The following NEDD9 variants were observed in gnomAD, a reference collection of about 807,000 sequenced individuals.
NEDD9 encodes the protein enhancer of filamentation 1.
Under a neutral mutation model 76.6 loss-of-function variants are expected in NEDD9, and 26 were observed. The ratio of observed to expected loss-of-function variants is 0.34; its 90% confidence interval spans 0.25 to 0.47. The LOEUF is 0.47. Ranked by LOEUF, NEDD9 falls within the 20% of genes least tolerant of loss-of-function variation. The pLI is 1.00. For missense variants in NEDD9, 937 were observed against 1,058.5 expected (o/e 0.89, Z 1.59); for synonymous variants, 392 against 414.2 (o/e 0.95, Z 0.65).
chr6:11,336,774 C>G (rs1762168922), intron 1 of NEDD9, among the ~76,000 whole-genome samples: 1 of 152,212 alleles, frequency 6.6e-6, no homozygotes, highest in African/African-American at 2.4e-5. Context: ...AACTTCTTTA[C>G]TCTTTTGTAA....
intron 3 of NEDD9, among the ~76,000 whole-genome samples, chr6:11,263,955 T>C (rs1661312256): frequency 6.6e-6 from 1 of 152,210 alleles, no homozygotes; most frequent in African/African-American, 2.4e-5. Flanking sequence ...AGTCTAGACT[T>C]GAGCTTATTA....
intron 2 of NEDD9, among the ~76,000 whole-genome samples, chr6:11,332,932 T>C (rs1050186631): frequency 1.3e-5 from 2 of 152,108 alleles, no homozygotes; most frequent in Non-Finnish European, 2.9e-5. Context: ...GTCCCCCTTA[T>C]GTCAGCTCAG....
At chr6:11,292,744 T>A (rs536942344) in intron 3 of NEDD9, among the ~76,000 whole-genome samples, 3 of 152,260 alleles carry the variant, frequency 2.0e-5, no homozygotes, top group East Asian at 3.9e-4. Context: ...TGGAGAGAGG[T>A]CTCTGTGATG....
chr6:11,186,023 C>G (rs1757973201), intron 6 of NEDD9, among the ~76,000 whole-genome samples: 1 of 151,970 alleles, frequency 6.6e-6, no homozygotes, highest in Non-Finnish European at 1.5e-5. Flanking sequence ...GTAGTAGGCT[C>G]TATGTAAATG....
intron 3 of NEDD9, among the ~76,000 whole-genome samples, chr6:11,294,191 C>T (rs1490695781): frequency 6.6e-6 from 1 of 151,944 alleles, no homozygotes; most frequent in Non-Finnish European, 1.5e-5. Flanking sequence ...GGATATATAC[C>T]CAGAAGTGGA....
intron 1 of NEDD9, among the ~76,000 whole-genome samples, chr6:11,374,402 G>A (rs1387302946): frequency 6.6e-6 from 1 of 152,218 alleles, no homozygotes; most frequent in African/African-American, 2.4e-5. Flanking sequence ...TGTCCTGATA[G>A]TGTGACAGAA....
At chr6:11,332,282 T>C (rs968286613) in intron 2 of NEDD9, among the ~76,000 whole-genome samples, 3 of 152,220 alleles carry the variant, frequency 2.0e-5, no homozygotes, top group Non-Finnish European at 4.4e-5. Context: ...CTTTCAACTG[T>C]CAGCTTAATA....
chr6:11,307,966 C>T (rs1366612254), intron 2 of NEDD9, among the ~76,000 whole-genome samples: 2 of 152,140 alleles, frequency 1.3e-5, no homozygotes, highest in African/African-American at 2.4e-5. Context: ...AGACCATGCC[C>T]ACCCGAGATC....
chr6:11,361,520 C>G (rs1340140063), intron 1 of NEDD9, among the ~76,000 whole-genome samples: 1 of 152,098 alleles, frequency 6.6e-6, no homozygotes, highest in Non-Finnish European at 1.5e-5. Flanking sequence ...CAAGACCTCA[C>G]TATCACAAAT....
chr6:11,292,740 G>A (rs905123530), intron 3 of NEDD9, among the ~76,000 whole-genome samples: 1 of 152,230 alleles, frequency 6.6e-6, no homozygotes, highest in African/African-American at 2.4e-5. Context: ...GCAATGGAGA[G>A]AGGTCTCTGT....
At chr6:11,281,418 TAGAAAG>T (rs1292069350) in intron 3 of NEDD9, among the ~76,000 whole-genome samples, 1 of 152,230 alleles carries the variant, frequency 6.6e-6, no homozygotes, top group African/African-American at 2.4e-5. Context: ...TCTTCACTCT[TAGAAAG>T]AGACACAATG....
At chr6:11,237,236 C>T (rs921698892), upstream of NEDD9, among the ~76,000 whole-genome samples, 2 of 152,170 alleles carry the variant, frequency 1.3e-5, no homozygotes, top group Non-Finnish European at 2.9e-5. This position sits in a 1 kb window ranked among gnomAD's most constrained non-coding sequence, Gnocchi z 4.9. Flanking sequence ...TCTGTTTCCC[C>T]AGCTCCGATG....
At position 11,241,756 on chromosome 6, in the gene NEDD9, C is replaced by T. The variant is rs1759711298; in HGVS notation, c.13-28029G>A. Among the ~76,000 whole-genome samples, 1 of 152,208 alleles carries T rather than the reference C, an allele frequency of 6.6e-6. No individual in the cohort carries two copies. The highest frequency in any genetic ancestry group is 1.5e-5 in the Non-Finnish European group (1 of 68,038). On this transcript the variant is annotated intron_variant, in intron 3 of 3. Transcript: ENST00000397378. This position sits in a 1 kb window ranked among gnomAD's most constrained non-coding sequence, Gnocchi z 4.0. ...TTAAAAGAGCCCAGCTGACCCAGCC[C>T]TCCAAGAAGGCCTCCCTCCCGTGCC...
intron 1 of NEDD9, among the ~76,000 whole-genome samples, chr6:11,337,737 T>C (rs1267595606): frequency 6.6e-6 from 1 of 152,226 alleles, no homozygotes; most frequent in Non-Finnish European, 1.5e-5. Context: ...TGTGTGCACA[T>C]GCCTTTAGCT....
chr6:11,223,412 C>T (rs1210771396), intron 1 of NEDD9, among the ~76,000 whole-genome samples: 1 of 152,026 alleles, frequency 6.6e-6, no homozygotes, highest in African/African-American at 2.4e-5. Flanking sequence ...GTTATTATTA[C>T]TGCGCCAAGA....
intron 1 of NEDD9, among the ~76,000 whole-genome samples, chr6:11,367,353 A>G (rs1762787102): frequency 6.6e-6 from 1 of 152,242 alleles, no homozygotes; most frequent in African/African-American, 2.4e-5. Context: ...CATCAAGGAA[A>G]TGTTTGAAAT....
Position 11,213,694 on chromosome 6 carries a change from G to C in NEDD9, c.46C>G (p.Pro16Ala). ...LMARALYDNV[P>A]ECAEELAFRK... ...AAGGCCAGTTCCTCGGCACACTCTG[G>C]GACATTGTCATATAAGGCCCTTGCC... Residue 16 changes from proline (P) to alanine (A), a missense_variant, in exon 2 of 7, where the codon CCA (proline) becomes GCA (alanine). Physicochemically the swap from Pro to Ala is conservative, Grantham distance 27. Transcript: ENST00000379446. This position sits in a 1 kb window ranked among gnomAD's most constrained non-coding sequence, Gnocchi z 5.4. 1 of 1,614,118 alleles carries C rather than the reference G, an allele frequency of 6.2e-7. No individual in the cohort carries two copies. The highest frequency in any genetic ancestry group is 8.5e-7 in the Non-Finnish European group (1 of 1,180,018).
At chr6:11,317,537 T>C (rs1372978846) in intron 2 of NEDD9, among the ~76,000 whole-genome samples, 1 of 152,012 alleles carries the variant, frequency 6.6e-6, no homozygotes, top group Non-Finnish European at 1.5e-5. Flanking sequence ...TGGTGCGTTA[T>C]TACACAAAGA....
chr6:11,354,344 G>T (rs1037555159), intron 1 of NEDD9, among the ~76,000 whole-genome samples: 5 of 152,202 alleles, frequency 3.3e-5, no homozygotes, highest in African/African-American at 1.2e-4. Context: ...TCCATATTTG[G>T]GAGCCCAGCA....
Sources: allele counts gnomAD v4.1 joint callset (sites outside exome capture counted in the v4.1 genomes callset), GRCh38; gene constraint gnomAD v4.1.1; non-coding constraint Gnocchi (gnomAD v3.1); transcripts MANE v1.5; gene names NCBI Gene and HGNC (gene_info 2026-07-23, HGNC 2026-07-21).